MTMR4: variants seen among roughly 807,000 people sequenced by gnomAD.
MTMR4 encodes phosphatidylinositol-3,5-bisphosphate 3-phosphatase MTMR4.
A neutral mutation model predicts 125.5 loss-of-function variants in MTMR4; 30 were observed. The ratio of observed to expected loss-of-function variants is 0.24; its 90% CI spans 0.18 to 0.32. The LOEUF (loss-of-function observed/expected upper bound fraction) is 0.32, where lower values mean the gene tolerates loss of function less well. MTMR4 is among the 10% of genes least tolerant of loss of function. The pLI, the probability that MTMR4 is intolerant of heterozygous loss-of-function variation, is 1.00. For missense variants in MTMR4, 1,039 were observed against 1,511.5 expected (o/e 0.69, Z 5.18); for synonymous variants, 498 against 564.5 (o/e 0.88, Z 1.67).
chr17:58,516,857 A>G (rs1372118087), upstream of MTMR4, among the ~76,000 whole-genome samples: 1 of 152,204 alleles, frequency 6.6e-6, no homozygotes, highest in East Asian at 1.9e-4. Context: ...AACAGGAATG[A>G]GTGTCATCCA....
At chr17:58,491,949 T>G (rs1975325254) in intron 17 of MTMR4, 109 bp from the exon 18 acceptor site, 1 of 963,422 alleles carries the variant, frequency 1.0e-6, no homozygotes, top group Non-Finnish European at 1.5e-6. Context: ...GGCAGTAGAA[T>G]CGCTTGAGGC....
Position 58,491,605 on chromosome 17 carries a change from A to G in MTMR4, c.*58T>C. On this transcript the variant is annotated 3_prime_UTR_variant, in exon 18 of 18. Coordinates refer to ENST00000682306, the MANE Select transcript of MTMR4 (RefSeq NM_001378067.1). ...CACACCAAGGAACCTTCCAAACTACAACTGAAGAAGATCCTCCCTTCAAAC... is the reference window on the plus strand; with the variant it reads ...CACACCAAGGAACCTTCCAAACTACGACTGAAGAAGATCCTCCCTTCAAAC... 2 of 1,540,786 alleles carry G rather than the reference A, an allele frequency of 1.3e-6. No homozygotes were observed. Among genetic ancestry groups the G allele is most frequent in the Middle Eastern group, 1.8e-4 (1 of 5,698 alleles).
rs1162132052 is a variant in MTMR4, at chr17:58,490,874, C to T, written c.*789G>A. The T allele has an allele frequency of 6.6e-6, 1 of 152,608 alleles. No homozygotes were observed. The highest frequency in any genetic ancestry group is 1.5e-5 in the Non-Finnish European group (1 of 68,038). 9.5% of individuals were successfully genotyped at this position (152,608 alleles called of 1,614,324 possible). A position where few individuals can be genotyped will look rare whatever the true frequency, so the allele number is the denominator to read the frequency against. On this transcript the variant is annotated 3_prime_UTR_variant, in exon 18 of 18. Transcript: ENST00000682306. The stretch of plus-strand genomic sequence containing the variant: ...TTCACAAGGATAATTTTTGCTTTTC[C>T]CTTCTCATTCTTCACAGTGCATAAC...
At chr17:58,513,441 C>A (rs1437697563) in intron 1 of MTMR4, among the ~76,000 whole-genome samples, 1 of 152,056 alleles carries the variant, frequency 6.6e-6, no homozygotes, top group Non-Finnish European at 1.5e-5. Context: ...GATTCAGTCC[C>A]ACGCCTCTAG....
At chr17:58,494,790 A>C in intron 15 of MTMR4, 142 bp downstream of exon 15, 2 of 718,022 alleles carry the variant, frequency 2.8e-6, no homozygotes, top group South Asian at 3.8e-5. Flanking sequence ...CATCATTCTA[A>C]TTGCTTACTT....
At position 58,512,314 on chromosome 17, in the gene MTMR4, A is replaced by G. The variant is rs528389300; in HGVS notation, c.252+76T>C. Reference sequence around the variant, plus strand: ...AACTTTTTTAATGACATGATCAAGGACAGCCTTGGAACAATCCCACCTTGA... The same window carrying G: ...AACTTTTTTAATGACATGATCAAGGGCAGCCTTGGAACAATCCCACCTTGA... On this transcript the variant is annotated intron_variant, in intron 3 of 17. Coordinates refer to ENST00000682306, the MANE Select transcript of MTMR4 (RefSeq NM_001378067.1). This position sits in a 1 kb window ranked among gnomAD's most constrained non-coding sequence, Gnocchi z 4.1. 3 of 1,277,804 alleles carry G rather than the reference A, an allele frequency of 2.3e-6. No individual in the cohort carries two copies. Among genetic ancestry groups the G allele is most frequent in the South Asian group, 1.2e-5 (1 of 82,980 alleles). The allele number at this position is 1,277,804 out of a possible 1,614,324, so 79.2% of individuals were successfully genotyped here. A position where few individuals can be genotyped will look rare whatever the true frequency, so the allele number is the denominator to read the frequency against.
Position 58,506,800 on chromosome 17 carries a change from G to A in MTMR4, c.976C>T (p.Arg326Ter), listed in dbSNP as rs762908805. ...TTGGCCACTGCTGCCGTGTAGGATC[G>A]CGCATCCAGGATCAGCAGCTTTTGA... is the stretch of plus-strand genomic sequence containing the variant. The part of the protein sequence containing the change: ...APQKLLILDA[R>*]SYTAAVANRA... The change falls in exon 9 of 18, where the codon CGA becomes TGA. Residue 326 changes from arginine (R) to a stop codon, truncating the protein, a stop_gained. Coordinates refer to ENST00000682306, the MANE Select transcript of MTMR4 (RefSeq NM_001378067.1). LOFTEE classifies it high-confidence loss of function. 6 of 1,613,636 alleles carry A rather than the reference G, an allele frequency of 3.7e-6. No homozygotes were observed. In the African/African-American group the frequency reaches 4.0e-5, roughly 11 times the overall value.
intron 4 of MTMR4, 26 bp downstream of exon 4, chr17:58,511,403 C>A (rs1975927477): frequency 1.3e-6 from 2 of 1,592,582 alleles, no homozygotes; most frequent in Non-Finnish European, 1.7e-6. Context: ...GGCCAGGGGA[C>A]CTGAGTGAGG....
At position 58,505,490 on chromosome 17, in the gene MTMR4, T is replaced by G; in HGVS notation, c.1127A>C (p.Gln376Pro). The G allele has an allele frequency of 6.2e-7, 1 of 1,612,786 alleles. No individual in the cohort carries two copies. The highest frequency in any genetic ancestry group is 1.1e-5 in the South Asian group (1 of 91,064). ...SFQYLRAVCSQMPDPSNWLSA... is the reference protein window; with the variant it reads ...SFQYLRAVCSPMPDPSNWLSA... ...CACCTACTTGCTAGGATCCGGCATC[T>G]GGCTACACACAGCCCGGAGGTACTG... Residue 376 changes from glutamine to proline, a missense_variant, in exon 10 of 18, where the codon CAG becomes CCG. By Grantham distance (76) the Gln-to-Pro change is moderately conservative. This residue lies in a region of MTMR4 where 107 missense variants were observed against 267.4 expected (regional missense o/e 0.40). Coordinates refer to ENST00000682306, the MANE Select transcript of MTMR4 (RefSeq NM_001378067.1).
intron 1 of MTMR4, among the ~76,000 whole-genome samples, chr17:58,513,690 G>A (rs1445345700): frequency 6.6e-6 from 1 of 152,006 alleles, no homozygotes; most frequent in Non-Finnish European, 1.5e-5. Flanking sequence ...CCCAAGGACA[G>A]CCAGGGGAGA....
At chr17:58,498,487 GGAAGAA>G (rs1046907432) in intron 14 of MTMR4, among the ~76,000 whole-genome samples, 7 of 135,318 alleles carry the variant, frequency 5.2e-5, no homozygotes, top group Non-Finnish European at 1.1e-4. Flanking sequence ...TGACTTTAAT[GGAAGAA>G]GAAGAAGAAG....
chr17:58,512,557 C>T lies in MTMR4; in HGVS notation c.136-51G>A. ...GTCCAGAAGTGAGTGACCACCTTAT[C>T]CTCTTCTACAGCCCCTGATCTGTGG... On this transcript the variant is annotated intron_variant, in intron 2 of 17. Transcript: ENST00000682306. The surrounding 1 kb of genome is among the most constrained non-coding windows in gnomAD (Gnocchi z 4.1). The T allele has an allele frequency of 7.1e-7, 1 of 1,404,606 alleles. No homozygotes were observed. The highest frequency in any genetic ancestry group is 1.0e-6 in the Non-Finnish European group (1 of 991,492). The allele number at this position is 1,404,606 out of a possible 1,614,324, so 87.0% of individuals were successfully genotyped here.
rs141606202 is a variant in MTMR4, at chr17:58,508,178, A to G, written c.690T>C (p.Ile230=). The change falls in exon 7 of 18, where the codon ATT becomes ATC. Residue 230 remains isoleucine, a synonymous_variant. Transcript: ENST00000682306. This position sits in a 1 kb window ranked among gnomAD's most constrained non-coding sequence, Gnocchi z 4.8. The stretch of plus-strand genomic sequence containing the variant: ...TGCCTCACCTATACACAACCACGGG[A>G]ATCCGCTTCCAGGAGCGGAAGGAAG... ...NVASFRSWKR[I]PVVVYRHLRN... is the part of the protein sequence containing the mutation. 5.4e-3 allele frequency: 8,783 copies of G among 1,613,690 alleles called. 38 individuals carry two copies. The highest frequency in any genetic ancestry group is 9.1e-3 in the African/African-American group (686 of 75,014).
upstream of MTMR4, among the ~76,000 whole-genome samples, chr17:58,515,810 C>T (rs1976073286): frequency 6.6e-6 from 1 of 152,198 alleles, no homozygotes; most frequent in Admixed American, 6.5e-5. Context: ...GAAATCCTCT[C>T]ATCTACTGAA....
Position 58,503,843 on chromosome 17 carries a change from A to G in MTMR4, c.1754T>C (p.Leu585Pro). The change falls in exon 14 of 18, where the codon CTG (leucine) becomes CCG (proline). Residue 585 changes from leucine to proline, a missense_variant. Coordinates refer to ENST00000682306, the MANE Select transcript of MTMR4 (RefSeq NM_001378067.1). ...AAGTGTGCATGGAGATGATGCTGGC[A>G]GATAAACAGCTGTCCAGAGGTGCAG... is the stretch of plus-strand genomic sequence containing the variant. ...RALHLWTAVY[L>P]PASSPCTLGE... 1 of 1,614,204 alleles carries G rather than the reference A, an allele frequency of 6.2e-7. No homozygotes were observed. The highest frequency in any genetic ancestry group is 8.5e-7 in the Non-Finnish European group (1 of 1,180,028).
chr17:58,502,278 C>T (rs952986843), intron 14 of MTMR4, among the ~76,000 whole-genome samples: 3 of 151,230 alleles, frequency 2.0e-5, no homozygotes, highest in Non-Finnish European at 4.4e-5. Flanking sequence ...ATGCCTCAGC[C>T]TCCTGAGTAG....
At chr17:58,500,421 C>T (rs2143871156) in intron 14 of MTMR4, among the ~76,000 whole-genome samples, 1 of 152,102 alleles carries the variant, frequency 6.6e-6, no homozygotes, top group Non-Finnish European at 1.5e-5. Flanking sequence ...GCCACTGCAC[C>T]CAGCCTGAAC....
rs1449106728 is a variant in MTMR4, at chr17:58,508,546, C to T, written c.515G>A (p.Arg172Gln). The T allele has an allele frequency of 6.2e-6, 10 of 1,614,224 alleles. No homozygotes were observed. The highest frequency in any genetic ancestry group is 2.2e-5 in the East Asian group (1 of 44,892). ...CATCCTTGCAAGCTCCGCCTCCTGT[C>T]GACAACGTATGTGCTCACCTGCAAC... is the stretch of plus-strand genomic sequence containing the variant. ...LCQPGEHIRC[R>Q]QEAELARMGF... is the part of the protein sequence containing the mutation. The change falls in exon 6 of 18, where the codon CGA becomes CAA. Residue 172 changes from arginine to glutamine, a missense_variant. Physicochemically the swap from Arg to Gln is conservative, Grantham distance 43. Around this residue, in one of 6 missense-constraint regions of MTMR4, gnomAD observed 202 missense variants for 311.9 expected, o/e 0.65. Coordinates refer to ENST00000682306, the MANE Select transcript of MTMR4 (RefSeq NM_001378067.1). This position sits in a 1 kb window ranked among gnomAD's most constrained non-coding sequence, Gnocchi z 4.8.
At chr17:58,510,068 T>C (rs2143921205) in intron 4 of MTMR4, among the ~76,000 whole-genome samples, 1 of 152,230 alleles carries the variant, frequency 6.6e-6, no homozygotes, top group East Asian at 1.9e-4. Context: ...TCCTAACTAG[T>C]CTCCCAGTTT....
Sources: allele counts gnomAD v4.1 joint callset (sites outside exome capture counted in the v4.1 genomes callset), GRCh38; gene constraint gnomAD v4.1.1; regional missense constraint gnomAD v4.1.1; non-coding constraint Gnocchi (gnomAD v3.1); transcripts MANE v1.5; gene names NCBI Gene and HGNC (gene_info 2026-07-23, HGNC 2026-07-21).